Variants in EMID1 observed in about 807,000 individuals in gnomAD.
EMID1 encodes EMI domain containing 1.
EMID1 carries 40 observed loss-of-function variants against 60.6 expected under a neutral mutation model. The ratio of observed to expected loss-of-function variants is 0.66; its 90% CI spans 0.51 to 0.86. EMID1 has a LOEUF of 0.86. Ranked by LOEUF, EMID1 falls within the 40% of genes least tolerant of loss-of-function variation. The probability of loss-of-function intolerance (pLI) is 0.00; values close to 1 mark genes in which losing one functional copy is unlikely to be tolerated. For missense variants in EMID1, 585 were observed against 597.1 expected, an observed-to-expected ratio of 0.98 and a Z score of 0.21; for synonymous variants, 242 against 231.0, an observed-to-expected ratio of 1.05 and a Z score of -0.43.
At chr22:29,222,940 A>T (rs1294668518) in intron 3 of EMID1, among the ~76,000 whole-genome samples, 1 of 152,092 alleles carries the variant, frequency 6.6e-6, no homozygotes, top group Admixed American at 6.5e-5. Flanking sequence ...AAATATCAAA[A>T]ATTAGCTGGG....
At chr22:29,249,353 G>A (rs964403492) in intron 13 of EMID1, among the ~76,000 whole-genome samples, 9 of 151,918 alleles carry the variant, frequency 5.9e-5, no homozygotes, top group Admixed American at 3.3e-4. Flanking sequence ...TACAACCTCC[G>A]CCTTCCAGGT....
In EMID1 at chr22:29,233,486, CA is replaced by C. The variant is rs2040829690; in HGVS notation, c.913+19del. The C allele has an allele frequency of 6.2e-7, 1 of 1,613,216 alleles. No individual in the cohort carries two copies. The highest frequency in any genetic ancestry group is 8.5e-7 in the Non-Finnish European group (1 of 1,179,162). ...GCCCATGGGTAAGTTGAGTCCAGGCCAGGGGTAAAGGGTGAAGTTGGTAGAT... is the reference window on the plus strand; with the variant it reads ...GCCCATGGGTAAGTTGAGTCCAGGCCGGGGTAAAGGGTGAAGTTGGTAGAT... On this transcript the variant is annotated intron_variant, in intron 9 of 14. Coordinates refer to ENST00000334018, the MANE Select transcript of EMID1 (RefSeq NM_133455.4).
At chr22:29,237,141 G>A (rs745981686) in intron 12 of EMID1, among the ~76,000 whole-genome samples, 1 of 111,298 alleles carries the variant, frequency 9.0e-6, no homozygotes, top group Admixed American at 8.3e-5. Context: ...ATTTTTGTCT[G>A]CCAGACTTTT....
rs367887985 is a variant in EMID1, at chr22:29,234,118, G to A, written c.967-19G>A. Reference sequence around the variant, plus strand: ...CATCCTGCCCCAACACAAGGCTGAGGCCCTGTCTTGTTGCTCAGGGACCCC... The same window carrying A: ...CATCCTGCCCCAACACAAGGCTGAGACCCTGTCTTGTTGCTCAGGGACCCC... On this transcript the variant is annotated intron_variant, in intron 10 of 14. Transcript: ENST00000334018. The A allele has an allele frequency of 1.3e-6, 2 of 1,570,218 alleles. No homozygotes were observed. The highest frequency in any genetic ancestry group is 1.7e-6 in the Non-Finnish European group (2 of 1,156,842).
rs2040118635 is a variant in EMID1 at position 29,217,120 on chromosome 22, G to A, written c.319+1490G>A. Among the ~76,000 whole-genome samples the A allele has an allele frequency of 2.6e-5, 4 of 152,214 alleles. No homozygotes were observed. In the South Asian group the frequency reaches 8.3e-4, roughly 31 times the overall value. On this transcript the variant is annotated intron_variant, in intron 3 of 14. Coordinates refer to ENST00000334018, the MANE Select transcript of EMID1 (RefSeq NM_133455.4). ...GGGCATGGGGGCCGCCTGGGCCCAG[G>A]CAGAGCCTCCCCAGACAAAGGCCAT...
chr22:29,255,862 G>T (rs938073783), intron 14 of EMID1, among the ~76,000 whole-genome samples: 1 of 152,180 alleles, frequency 6.6e-6, no homozygotes, highest in Non-Finnish European at 1.5e-5. Flanking sequence ...AAGGCCAAGA[G>T]ACCAGAAGGA....
At chr22:29,228,547 A>G (rs2040612978) in intron 5 of EMID1, among the ~76,000 whole-genome samples, 1 of 152,132 alleles carries the variant, frequency 6.6e-6, no homozygotes, top group Non-Finnish European at 1.5e-5. Flanking sequence ...TCTTTGCTCC[A>G]TCATTCCCTT....
chr22:29,241,982 C>T (rs933572376), intron 12 of EMID1, among the ~76,000 whole-genome samples: 3 of 152,180 alleles, frequency 2.0e-5, no homozygotes, highest in Non-Finnish European at 4.4e-5. Context: ...GTGATCACAG[C>T]TCACTGCAGT....
chr22:29,223,827 T>A (rs1183818640), intron 3 of EMID1, among the ~76,000 whole-genome samples: 1 of 152,248 alleles, frequency 6.6e-6, no homozygotes, highest in Non-Finnish European at 1.5e-5. Flanking sequence ...CACTCACAGT[T>A]AAGACTATGT....
intron 5 of EMID1, among the ~76,000 whole-genome samples, chr22:29,229,528 A>G (rs978515592): frequency 6.6e-6 from 1 of 151,890 alleles, no homozygotes; most frequent in South Asian, 2.1e-4. Context: ...CTGTAATCTC[A>G]GCTACTAGGG....
intron 12 of EMID1, among the ~76,000 whole-genome samples, chr22:29,238,254 AATTATTATTATT>A (rs3066719): frequency 0.075 from 8,700 of 116,600 alleles, 978 homozygotes; most frequent in African/African-American, 0.1. Context: ...TTTTTCTAAA[AATTATTATTATT>A]ATTATTATTA....
At chr22:29,243,330 TTC>T in intron 12 of EMID1, 113 bp from the exon 13 acceptor site, 1 of 1,058,720 alleles carries the variant, frequency 9.4e-7, no homozygotes, top group Non-Finnish European at 1.4e-6. Context: ...ACAAGCTACT[TTC>T]TGTTTCTCTA....
intron 3 of EMID1, among the ~76,000 whole-genome samples, chr22:29,220,935 A>G (rs1191955509): frequency 2.0e-5 from 3 of 152,138 alleles, no homozygotes; most frequent in Admixed American, 6.6e-5. Context: ...TGTGGAGGTC[A>G]AGACAGGGAG....
intron 5 of EMID1, 112 bp downstream of exon 5, chr22:29,226,663 T>G: frequency 9.1e-7 from 1 of 1,104,082 alleles, no homozygotes; most frequent in Non-Finnish European, 1.3e-6. Context: ...GCACCCTCAG[T>G]GAACCCACAG....
intron 5 of EMID1, among the ~76,000 whole-genome samples, chr22:29,227,394 C>CTTT (rs76236151): frequency 3.1e-4 from 45 of 144,878 alleles, no homozygotes; most frequent in African/African-American, 1.1e-3. Context: ...TGCCATAAAA[C>CTTT]TTTTTTTTTT....
In EMID1 at chr22:29,243,441, G is replaced by A; in HGVS notation, c.1075-4G>A. On this transcript the variant is annotated splice_region_variant and splice_polypyrimidine_tract_variant and intron_variant, in intron 12 of 14. Transcript: ENST00000334018. ...ACTGCTGCTATCTCTGTCTCTCCTT[G>A]CAGGGGGAACCTGGCCCTAAGGGAG... is the stretch of plus-strand genomic sequence containing the variant. 1 of 1,613,652 alleles carries A rather than the reference G, an allele frequency of 6.2e-7. No homozygotes were observed. The highest frequency in any genetic ancestry group is 1.1e-5 in the South Asian group (1 of 91,062).
chr22:29,242,926 A>G lies in EMID1; in HGVS notation c.1075-519A>G, dbSNP rs144728950. Among the ~76,000 whole-genome samples, 17 of 152,276 alleles carry G rather than the reference A, an allele frequency of 1.1e-4. No homozygotes were observed. The East Asian group carries it at 3.1e-3, about 28-fold the overall frequency. ...ATTTTTGACATCTTTAGTCAGTTCTACCAATCTGTTGGTTCTCCCCCTCTG... is the reference window on the plus strand; with the variant it reads ...ATTTTTGACATCTTTAGTCAGTTCTGCCAATCTGTTGGTTCTCCCCCTCTG... On this transcript the variant is annotated intron_variant, in intron 12 of 14. Transcript: ENST00000334018.
intron 5 of EMID1, among the ~76,000 whole-genome samples, chr22:29,227,696 C>T (rs2040566250): frequency 9.0e-6 from 1 of 110,512 alleles, no homozygotes; most frequent in Non-Finnish European, 1.8e-5. Context: ...CAGAGCGAGA[C>T]TCTGTCTCAA....
chr22:29,244,722 A>T (rs918907905), intron 13 of EMID1, among the ~76,000 whole-genome samples: 2 of 151,676 alleles, frequency 1.3e-5, no homozygotes, highest in African/African-American at 4.8e-5. Flanking sequence ...TCGGGTTAGG[A>T]CCTAGAAATC....
Sources: gnomAD v4.1 joint callset for allele counts (sites outside exome capture counted in the v4.1 genomes callset) on GRCh38, gnomAD v4.1.1 for gene constraint, MANE v1.5 for transcripts, NCBI Gene and HGNC (gene_info 2026-07-23, HGNC 2026-07-21) for gene names.